The following CHCHD3 variants were observed in gnomAD, a reference collection of about 807,000 sequenced individuals.
CHCHD3 encodes the protein MICOS complex subunit MIC19.
A neutral mutation model predicts 38.2 loss-of-function variants in CHCHD3; 20 were observed. The observed-to-expected ratio is 0.52, with a 90% CI of 0.37 to 0.76. CHCHD3 has a LOEUF of 0.76. Ranked by LOEUF, CHCHD3 falls within the 30% of genes least tolerant of loss-of-function variation. The pLI is 0.00. For synonymous variants in CHCHD3, 82 were observed against 100.0 expected (o/e 0.82, Z 1.07); for missense variants, 245 against 279.2 (o/e 0.88, Z 0.87).
At chr7:132,813,322 G>T (rs59628236) in intron 6 of CHCHD3, 1 of 152,186 alleles carries the variant, frequency 6.6e-6, no homozygotes, top group African/African-American at 2.4e-5. Flanking sequence ...TTAAGTTCTA[G>T]AATACAGTCA....
intron 4 of CHCHD3, among the ~76,000 whole-genome samples, chr7:132,932,745 T>C (rs1038961411): frequency 1.3e-5 from 2 of 152,236 alleles, no homozygotes; most frequent in African/African-American, 4.8e-5. Flanking sequence ...TCCTACAAAA[T>C]TGAGGAGACC....
intron 2 of CHCHD3, among the ~76,000 whole-genome samples, chr7:133,028,843 TCA>T (rs1168268755): frequency 6.8e-6 from 1 of 146,964 alleles, no homozygotes; most frequent in Non-Finnish European, 1.5e-5. Context: ...CAAGATCACA[TCA>T]CTGCACTCCG....
intron 4 of CHCHD3, among the ~76,000 whole-genome samples, chr7:132,907,008 C>T (rs942345425): frequency 2.6e-5 from 4 of 152,114 alleles, no homozygotes; most frequent in Non-Finnish European, 5.9e-5. Context: ...TGTGTCTCTT[C>T]CCACCAGAGG....
intron 5 of CHCHD3, among the ~76,000 whole-genome samples, chr7:132,877,038 C>T (rs1203363431): frequency 6.6e-6 from 1 of 152,156 alleles, no homozygotes; most frequent in African/African-American, 2.4e-5. Flanking sequence ...TGACAGCCTA[C>T]ATGGTAAATA....
chr7:132,898,104 T>C (rs1195629343), intron 4 of CHCHD3, among the ~76,000 whole-genome samples: 1 of 152,058 alleles, frequency 6.6e-6, no homozygotes, highest in African/African-American at 2.4e-5. Context: ...GGAGTGAAGC[T>C]GCAGACCTTC....
intron 4 of CHCHD3, among the ~76,000 whole-genome samples, chr7:132,902,413 C>G (rs1809692128): frequency 6.6e-6 from 1 of 152,140 alleles, no homozygotes. Context: ...GACTTGGAAC[C>G]AACCCAAATG....
At chr7:132,924,075 G>C (rs979487992) in intron 4 of CHCHD3, among the ~76,000 whole-genome samples, 1 of 152,056 alleles carries the variant, frequency 6.6e-6, no homozygotes, top group Admixed American at 6.5e-5. Context: ...TCAACTAGAA[G>C]AAAAATGGGA....
intron 5 of CHCHD3, among the ~76,000 whole-genome samples, chr7:132,863,972 A>T (rs1268613704): frequency 6.6e-6 from 1 of 152,204 alleles, no homozygotes; most frequent in Non-Finnish European, 1.5e-5. Flanking sequence ...CAAACCACGA[A>T]TCTTTCTCCA....
intron 2 of CHCHD3, among the ~76,000 whole-genome samples, chr7:133,025,899 C>G (rs1386724046): frequency 2.0e-5 from 3 of 152,164 alleles, no homozygotes; most frequent in African/African-American, 7.2e-5. Flanking sequence ...AATGCTTAGT[C>G]CCACAGCATA....
Position 132,809,640 on chromosome 7 carries a change from A to G in CHCHD3, c.525-13063T>C, listed in dbSNP as rs1754275187. Among the ~76,000 whole-genome samples the G allele has an allele frequency of 2.0e-5, 3 of 152,150 alleles. No individual in the cohort carries two copies. The South Asian group carries it at 6.2e-4, about 32-fold the overall frequency. On this transcript the variant is annotated intron_variant, in intron 6 of 7. Coordinates refer to ENST00000262570, the MANE Select transcript of CHCHD3 (RefSeq NM_017812.4). ...CCACTGAAATTTCTGTTAAACCACT[A>G]TTACCTATTCTGGCCTCAAAGTGAA...
intron 4 of CHCHD3, among the ~76,000 whole-genome samples, chr7:132,913,254 T>C (rs1810002446): frequency 6.6e-6 from 1 of 152,212 alleles, no homozygotes; most frequent in Admixed American, 6.5e-5. Context: ...CTATCAATGA[T>C]GAACCAAACC....
chr7:133,078,627 G>A (rs566642308), intron 1 of CHCHD3, among the ~76,000 whole-genome samples: 1 of 152,300 alleles, frequency 6.6e-6, no homozygotes, highest in South Asian at 2.1e-4. Context: ...TTTGCTGAAG[G>A]TAATGCCAGA....
intron 2 of CHCHD3, among the ~76,000 whole-genome samples, chr7:133,069,770 C>A (rs1329355250): frequency 2.0e-5 from 3 of 152,144 alleles, no homozygotes; most frequent in Non-Finnish European, 4.4e-5. Context: ...ATTTGGAATA[C>A]TTCACAATTT....
chr7:132,923,435 A>G (rs1810306165), intron 4 of CHCHD3, among the ~76,000 whole-genome samples: 1 of 152,194 alleles, frequency 6.6e-6, no homozygotes. Flanking sequence ...AAATATGCCA[A>G]ATATTCAGAG....
intron 2 of CHCHD3, among the ~76,000 whole-genome samples, chr7:133,063,824 T>C (rs1274966073): frequency 1.3e-5 from 2 of 152,120 alleles, no homozygotes; most frequent in African/African-American, 2.4e-5. Flanking sequence ...ATTAAACTCA[T>C]TGACTTCAAC....
At chr7:132,993,128 A>G (rs1368714671) in intron 3 of CHCHD3, among the ~76,000 whole-genome samples, 2 of 152,158 alleles carry the variant, frequency 1.3e-5, no homozygotes, top group Non-Finnish European at 2.9e-5. Context: ...CTTTCTCTTT[A>G]TCCTTAGAGT....
chr7:133,001,256 G>A (rs547773847), intron 3 of CHCHD3, among the ~76,000 whole-genome samples: 4 of 152,268 alleles, frequency 2.6e-5, no homozygotes, highest in Middle Eastern at 3.4e-3. Flanking sequence ...CATTAGCAGA[G>A]TCAGGTACTG....
chr7:132,987,985 GCTTA>G (rs994804110), intron 3 of CHCHD3, among the ~76,000 whole-genome samples: 33 of 151,852 alleles, frequency 2.2e-4, no homozygotes, highest in African/African-American at 7.5e-4. Flanking sequence ...CTATACTCTA[GCTTA>G]CTTTATTGTA....
At chr7:133,023,091 A>G (rs1024761910) in intron 3 of CHCHD3, among the ~76,000 whole-genome samples, 1 of 152,120 alleles carries the variant, frequency 6.6e-6, no homozygotes, top group Non-Finnish European at 1.5e-5. Context: ...ATTGATTCTG[A>G]ATTTTTTTGG....
Sources: gnomAD v4.1 joint callset for allele counts (sites outside exome capture counted in the v4.1 genomes callset) on GRCh38, gnomAD v4.1.1 for gene constraint, MANE v1.5 for transcripts, NCBI Gene and HGNC (gene_info 2026-07-23, HGNC 2026-07-21) for gene names.